TBC1D5: variants seen among roughly 807,000 people sequenced by gnomAD.
TBC1D5 encodes TBC1 domain family, member 5.
TBC1D5 carries 75 observed loss-of-function variants against 100.3 expected under a neutral mutation model. That is an observed-to-expected ratio of 0.75 (90% CI 0.62 to 0.91). The LOEUF (loss-of-function observed/expected upper bound fraction) is 0.91. Ranked by LOEUF, TBC1D5 falls within the 40% of genes least tolerant of loss-of-function variation. The pLI, the probability that TBC1D5 is intolerant of heterozygous loss-of-function variation, is 0.00. For missense variants in TBC1D5, 910 were observed against 942.4 expected (o/e 0.97, Z 0.45); for synonymous variants, 323 against 325.6 (o/e 0.99, Z 0.09).
At chr3:17,575,634 G>A (rs2096652875) in intron 2 of TBC1D5, among the ~76,000 whole-genome samples, 1 of 152,110 alleles carries the variant, frequency 6.6e-6, no homozygotes, top group Admixed American at 6.6e-5. Context: ...TTATTAGTAA[G>A]GTTATCCCTA....
chr3:17,576,092 C>T (rs1273905269), intron 2 of TBC1D5, among the ~76,000 whole-genome samples: 1 of 152,068 alleles, frequency 6.6e-6, no homozygotes, highest in African/African-American at 2.4e-5. Context: ...TCTTAGCCAT[C>T]CCTTAAATTG....
intron 2 of TBC1D5, among the ~76,000 whole-genome samples, chr3:17,517,526 G>A (rs570558942): frequency 6.6e-6 from 1 of 152,054 alleles, no homozygotes; most frequent in African/African-American, 2.4e-5. Context: ...TGTGTCATAA[G>A]GCAATGATTA....
chr3:17,354,601 G>A (rs761208048), intron 13 of TBC1D5, among the ~76,000 whole-genome samples: 33 of 151,822 alleles, frequency 2.2e-4, no homozygotes, highest in Non-Finnish European at 3.1e-4. Context: ...CTGTATTAAT[G>A]GATTATTGAG....
At chr3:17,327,229 T>C (rs1182801113) in intron 13 of TBC1D5, among the ~76,000 whole-genome samples, 2 of 152,176 alleles carry the variant, frequency 1.3e-5, no homozygotes, top group Non-Finnish European at 2.9e-5. Flanking sequence ...AATTTACTTC[T>C]AGTGAAAAAA....
intron 13 of TBC1D5, among the ~76,000 whole-genome samples, chr3:17,358,099 G>C (rs1246613473): frequency 1.3e-5 from 2 of 152,100 alleles, no homozygotes; most frequent in African/African-American, 4.8e-5. Flanking sequence ...GTGAGCTAGA[G>C]AAACTAGATC....
chr3:17,562,521 A>G (rs888542878), intron 2 of TBC1D5, among the ~76,000 whole-genome samples: 1 of 151,966 alleles, frequency 6.6e-6, no homozygotes, highest in Admixed American at 6.5e-5. Flanking sequence ...TAAAACAAAA[A>G]AAAAAAAGAA....
At chr3:17,372,309 C>T (rs2092506796) in intron 12 of TBC1D5, 62 bp from the exon 13 acceptor site, 3 of 1,398,898 alleles carry the variant, frequency 2.1e-6, no homozygotes, top group South Asian at 3.3e-5. Flanking sequence ...ATATGGATGT[C>T]ATTCTTTATC....
intron 2 of TBC1D5, among the ~76,000 whole-genome samples, chr3:17,537,412 G>A (rs567975593): frequency 1.2e-4 from 19 of 152,276 alleles, no homozygotes; most frequent in Middle Eastern, 6.8e-3. Context: ...AACAAGGCAC[G>A]TCCAGCCTCC....
chr3:17,456,562 C>T (rs1429398286), intron 3 of TBC1D5, among the ~76,000 whole-genome samples: 3 of 151,972 alleles, frequency 2.0e-5, no homozygotes, highest in Non-Finnish European at 2.9e-5. Context: ...TTCAACATAC[C>T]GATCATCAGA....
chr3:17,729,898 C>G (rs1009940170), intron 1 of TBC1D5, among the ~76,000 whole-genome samples: 1 of 152,090 alleles, frequency 6.6e-6, no homozygotes, highest in Non-Finnish European at 1.5e-5. Flanking sequence ...CACCTGAGGC[C>G]AGGAGTTCAA....
At chr3:17,356,872 G>T (rs922301480) in intron 13 of TBC1D5, among the ~76,000 whole-genome samples, 1 of 152,074 alleles carries the variant, frequency 6.6e-6, no homozygotes, top group Non-Finnish European at 1.5e-5. Context: ...CAGACCTTGG[G>T]AGGCAAAATG....
intron 1 of TBC1D5, among the ~76,000 whole-genome samples, chr3:17,625,552 T>A (rs2062982606): frequency 6.6e-6 from 1 of 152,084 alleles, no homozygotes; most frequent in Non-Finnish European, 1.5e-5. Flanking sequence ...AAGAATGGCA[T>A]TACAAGACTG....
chr3:17,428,366 A>G (rs2094381433), intron 4 of TBC1D5, 84 bp downstream of exon 4: 1 of 437,908 alleles, frequency 2.3e-6, no homozygotes, highest in African/African-American at 2.1e-5. Context: ...ATATAATTAT[A>G]TATCTTATAC....
intron 1 of TBC1D5, among the ~76,000 whole-genome samples, chr3:17,729,068 C>T (rs78770028): frequency 0.026 from 3,240 of 126,122 alleles, 56 homozygotes; most frequent in Non-Finnish European, 0.04. Context: ...TAAACAAAGG[C>T]TCAAACAGGC....
intron 1 of TBC1D5, among the ~76,000 whole-genome samples, chr3:17,662,835 T>C (rs1404147997): frequency 6.6e-6 from 1 of 152,174 alleles, no homozygotes; most frequent in Non-Finnish European, 1.5e-5. Context: ...TGGCATGATA[T>C]GTATGGCATG....
chr3:17,224,148 G>A (rs1408751797), intron 17 of TBC1D5, among the ~76,000 whole-genome samples: 1 of 152,100 alleles, frequency 6.6e-6, no homozygotes, highest in Non-Finnish European at 1.5e-5. Context: ...TCAATTACTA[G>A]TGTTCCTGCT....
intron 3 of TBC1D5, among the ~76,000 whole-genome samples, chr3:17,445,687 T>C (rs1048581313): frequency 6.6e-6 from 1 of 152,242 alleles, no homozygotes; most frequent in African/African-American, 2.4e-5. Context: ...ATAACTGTTC[T>C]ATTTTATTAG....
chr3:17,741,324 G>T (rs991122055), upstream of TBC1D5, among the ~76,000 whole-genome samples: 5 of 152,356 alleles, frequency 3.3e-5, no homozygotes, highest in African/African-American at 1.2e-4. Flanking sequence ...AATGAATTCA[G>T]AGATATGGTA....
intron 13 of TBC1D5, among the ~76,000 whole-genome samples, chr3:17,325,974 T>G (rs1480513581): frequency 3.3e-5 from 5 of 152,178 alleles, no homozygotes; most frequent in Non-Finnish European, 5.9e-5. Context: ...TCGAAAAACC[T>G]ATATTAATAT....
Sources: gnomAD v4.1 joint callset for allele counts (sites outside exome capture counted in the v4.1 genomes callset) on GRCh38, gnomAD v4.1.1 for gene constraint, MANE v1.5 for transcripts, NCBI Gene and HGNC (gene_info 2026-07-23, HGNC 2026-07-21) for gene names.